Variants in FAM135B observed in about 807,000 individuals in gnomAD.
FAM135B encodes the protein family with sequence similarity 135 member B.
In FAM135B, 43 loss-of-function variants were observed where a neutral mutation model predicts 127.7. The observed-to-expected ratio is 0.34, with a 90% CI of 0.26 to 0.43. FAM135B has a LOEUF of 0.43. FAM135B is among the 20% of genes least tolerant of loss of function. The probability of loss-of-function intolerance (pLI) is 1.00; values close to 1 mark genes in which losing one functional copy is unlikely to be tolerated. For synonymous variants in FAM135B, 670 were observed against 665.1 expected, an observed-to-expected ratio of 1.01 and a Z score of -0.11; for missense variants, 1,558 against 1,725.6, an observed-to-expected ratio of 0.90 and a Z score of 1.72.
chr8:138,469,075 A>T (rs923025835), intron 1 of FAM135B, among the ~76,000 whole-genome samples: 3 of 151,964 alleles, frequency 2.0e-5, no homozygotes, highest in Non-Finnish European at 2.9e-5. Flanking sequence ...AGAGAGAGAA[A>T]AAGAAAGAAA....
intron 3 of FAM135B, among the ~76,000 whole-genome samples, chr8:138,271,812 G>A (rs1229932095): frequency 6.6e-6 from 1 of 152,068 alleles, no homozygotes; most frequent in African/African-American, 2.4e-5. Flanking sequence ...TTTGTTAATT[G>A]CAAATTGCTC....
At chr8:138,452,788 T>C (rs1286637058) in intron 1 of FAM135B, among the ~76,000 whole-genome samples, 1 of 152,076 alleles carries the variant, frequency 6.6e-6, no homozygotes, top group African/African-American at 2.4e-5. Context: ...GAATCCATGC[T>C]CAGAATGTTC....
In FAM135B at chr8:138,243,142, A is replaced by G; in HGVS notation, c.543-74T>C. 1 of 1,523,568 alleles carries G rather than the reference A, an allele frequency of 6.6e-7. No individual in the cohort carries two copies. The highest frequency in any genetic ancestry group is 8.8e-7 in the Non-Finnish European group (1 of 1,134,476). 94.4% of individuals were successfully genotyped at this position (1,523,568 alleles called of 1,614,324 possible). On this transcript the variant is annotated intron_variant, in intron 6 of 19. Transcript: ENST00000395297. This position sits in a 1 kb window ranked among gnomAD's most constrained non-coding sequence, Gnocchi z 7.5. ...TGGTGCCATTAACTCAGCCCCTTTG[A>G]GGAGTGTTCCTGTGAAGCATTTGGG... is the stretch of plus-strand genomic sequence containing the variant.
chr8:138,379,355 T>C (rs990582252), intron 1 of FAM135B, among the ~76,000 whole-genome samples: 1 of 152,204 alleles, frequency 6.6e-6, no homozygotes, highest in African/African-American at 2.4e-5. Context: ...TGATTCACTT[T>C]TGGGAAGATC....
intron 1 of FAM135B, among the ~76,000 whole-genome samples, chr8:138,452,035 A>G (rs1247435164): frequency 4.6e-5 from 7 of 152,008 alleles, no homozygotes; most frequent in Admixed American, 2.6e-4. Context: ...CTAATAAAAA[A>G]TTATCACTTT....
chr8:138,269,727 C>T (rs947664974), intron 3 of FAM135B, among the ~76,000 whole-genome samples: 2 of 152,154 alleles, frequency 1.3e-5, no homozygotes, highest in Non-Finnish European at 2.9e-5. Flanking sequence ...CTACAGAATC[C>T]GAGCTCCAAT....
At chr8:138,432,043 C>T (rs531523031) in intron 1 of FAM135B, among the ~76,000 whole-genome samples, 2 of 152,170 alleles carry the variant, frequency 1.3e-5, no homozygotes, top group Admixed American at 6.5e-5. Flanking sequence ...GAGACCAGCA[C>T]AACTGGCTAA....
chr8:138,446,984 AG>A (rs1194776308), intron 1 of FAM135B, among the ~76,000 whole-genome samples: 11 of 152,348 alleles, frequency 7.2e-5, no homozygotes, highest in Admixed American at 7.2e-4. Flanking sequence ...CCCATCAAAA[AG>A]TGGGCGAAGG....
At chr8:138,396,306 A>G (rs1440660024) in intron 1 of FAM135B, among the ~76,000 whole-genome samples, 1 of 152,192 alleles carries the variant, frequency 6.6e-6, no homozygotes, top group Non-Finnish European at 1.5e-5. Flanking sequence ...ATAGACATAA[A>G]GAGTGAATAA....
At chr8:138,195,568 T>C (rs557108683) in intron 8 of FAM135B, among the ~76,000 whole-genome samples, 11 of 151,960 alleles carry the variant, frequency 7.2e-5, no homozygotes, top group Non-Finnish European at 8.8e-5. Context: ...AAGCAGTACA[T>C]CCCAAATTCA....
At position 138,390,854 on chromosome 8, in the gene FAM135B, G is replaced by A. The variant is rs548390266; in HGVS notation, c.-19-22852C>T. 3.9e-4 allele frequency among the ~76,000 whole-genome samples: 60 copies of A among 152,208 alleles called. 1 individual carries two copies. The highest frequency in any genetic ancestry group is 1.3e-3 in the African/African-American group (56 of 41,524). On this transcript the variant is annotated intron_variant, in intron 1 of 19. Coordinates refer to ENST00000395297, the MANE Select transcript of FAM135B (RefSeq NM_015912.4). Reference sequence around the variant, plus strand: ...AGTGTTAGAAGCAGAGCTGAGCTCTGGGGATAGCAAATTTGCAATTTGGAA... The same window carrying A: ...AGTGTTAGAAGCAGAGCTGAGCTCTAGGGATAGCAAATTTGCAATTTGGAA...
chr8:138,356,282 G>GAAAT (rs386414183), intron 2 of FAM135B, among the ~76,000 whole-genome samples: 1 of 35,792 alleles, frequency 2.8e-5, no homozygotes, highest in Non-Finnish European at 5.9e-5. Context: ...GAGAGAGAGA[G>GAAAT]AAAGAGAGAG....
chr8:138,177,390 T>G lies in FAM135B; in HGVS notation c.1060A>C (p.Met354Leu), dbSNP rs1341724445. 1.2e-6 allele frequency: 2 copies of G among 1,613,672 alleles called. No homozygotes were observed. Among genetic ancestry groups the G allele is most frequent in the Admixed American group, 1.7e-5 (1 of 60,014 alleles). Residue 354 changes from methionine to leucine, a missense_variant, in exon 11 of 20, where the codon ATG becomes CTG. Transcript: ENST00000395297. ...VRRFSEAFFY[M>L]EHQKLAVLTF... The stretch of plus-strand genomic sequence containing the variant: ...AGGACTGCAAGTTTTTGGTGCTCCA[T>G]GTAAAAGAAGGCCTCAGAAAACCTT...
At chr8:138,290,175 T>G (rs1429674346) in intron 3 of FAM135B, among the ~76,000 whole-genome samples, 2 of 152,192 alleles carry the variant, frequency 1.3e-5, no homozygotes, top group Non-Finnish European at 2.9e-5. Context: ...CTTGAACTTC[T>G]GAGCCTGCCC....
intron 15 of FAM135B, among the ~76,000 whole-genome samples, chr8:138,143,711 C>T (rs1035275406): frequency 2.6e-5 from 4 of 152,308 alleles, no homozygotes; most frequent in Non-Finnish European, 5.9e-5. Flanking sequence ...ACCTCAAGGA[C>T]TAACTTTTAG....
At chr8:138,213,270 T>C (rs1818278429) in intron 7 of FAM135B, among the ~76,000 whole-genome samples, 1 of 152,302 alleles carries the variant, frequency 6.6e-6, no homozygotes, top group Admixed American at 6.5e-5. Flanking sequence ...ATGACTGATA[T>C]GTATTAAGTG....
intron 2 of FAM135B, among the ~76,000 whole-genome samples, chr8:138,327,144 T>C (rs1432300209): frequency 1.3e-5 from 2 of 152,176 alleles, no homozygotes; most frequent in Non-Finnish European, 1.5e-5. Context: ...CCTGTTACCT[T>C]ATTGTTCCTT....
At chr8:138,471,336 G>A (rs1837666413) in intron 1 of FAM135B, among the ~76,000 whole-genome samples, 1 of 152,258 alleles carries the variant, frequency 6.6e-6, no homozygotes, top group Non-Finnish European at 1.5e-5. Context: ...ACAGATTTGG[G>A]GCAGAGTGTG....
rs777524756 is a variant in FAM135B, at chr8:138,151,948, C to G, written c.2527G>C (p.Gly843Arg). Residue 843 changes from glycine to arginine, a missense_variant, in exon 13 of 20, where the codon GGA becomes CGA. Around this residue, in one of 5 missense-constraint regions of FAM135B, gnomAD observed 923 missense variants for 865.3 expected, o/e 1.07. Transcript: ENST00000395297. ...TTCCCTTTGGGGATGTCTATGTATC[C>G]GGGGCCCTGCTGGTTGTCAGCATCT... ...VLDADNQQGPGYIDIPKGKGK... is the reference protein window; with the variant it reads ...VLDADNQQGPRYIDIPKGKGK... 1 of 1,614,088 alleles carries G rather than the reference C, an allele frequency of 6.2e-7. No individual in the cohort carries two copies. The highest frequency in any genetic ancestry group is 8.5e-7 in the Non-Finnish European group (1 of 1,180,028).
Sources: allele counts gnomAD v4.1 joint callset (sites outside exome capture counted in the v4.1 genomes callset), GRCh38; gene constraint gnomAD v4.1.1; regional missense constraint gnomAD v4.1.1; non-coding constraint Gnocchi (gnomAD v3.1); transcripts MANE v1.5; gene names NCBI Gene and HGNC (gene_info 2026-07-23, HGNC 2026-07-21).